The following DOCK7 variants were observed in gnomAD, a reference collection of about 807,000 sequenced individuals.
DOCK7 encodes the protein dedicator of cytokinesis protein 7.
DOCK7 carries 138 observed loss-of-function variants against 271.0 expected under a neutral mutation model. The ratio of observed to expected loss-of-function variants is 0.51; its 90% confidence interval spans 0.44 to 0.59. DOCK7 has a LOEUF of 0.59. Among genes scored for constraint, DOCK7 ranks in the 20% least tolerant of loss-of-function variants. The probability of loss-of-function intolerance (pLI) is 0.00; values close to 1 mark genes in which losing one functional copy is unlikely to be tolerated. For synonymous variants in DOCK7, 823 were observed against 876.1 expected (o/e 0.94, Z 1.07); for missense variants, 2,066 against 2,592.4 (o/e 0.80, Z 4.41).
At chr1:62,510,713 T>C in intron 33 of DOCK7, 40 bp from the exon 34 acceptor site, 2 of 1,492,636 alleles carry the variant, frequency 1.3e-6, no homozygotes, top group South Asian at 2.3e-5. Flanking sequence ...AAATGTTATT[T>C]CAGTTGGACC....
intron 14 of DOCK7, chr1:62,598,618 G>T: frequency 1.3e-6 from 1 of 787,258 alleles, no homozygotes; most frequent in South Asian, 1.5e-5. Context: ...TAAAAATTTA[G>T]ATTATGATAG....
At chr1:62,476,351 T>A (rs1288202927) in intron 44 of DOCK7, among the ~76,000 whole-genome samples, 195 bp from the exon 45 acceptor site, 1 of 152,166 alleles carries the variant, frequency 6.6e-6, no homozygotes, top group Non-Finnish European at 1.5e-5. Flanking sequence ...TCCATATTTA[T>A]TTGACATTAT....
intron 15 of DOCK7, chr1:62,584,125 T>C: frequency 1.0e-6 from 1 of 974,502 alleles, no homozygotes; most frequent in South Asian, 4.8e-5. Flanking sequence ...CAAAGTTTAT[T>C]ATTTATATAA....
At chr1:62,567,052 T>C (rs1054567348) in intron 18 of DOCK7, among the ~76,000 whole-genome samples, 1 of 152,160 alleles carries the variant, frequency 6.6e-6, no homozygotes, top group African/African-American at 2.4e-5. Flanking sequence ...AAGCAACAGA[T>C]GCTGGACAGG....
Position 62,634,897 on chromosome 1 carries a change from AG to A in DOCK7, c.910del (p.Asn305IlefsTer5). 1 of 1,606,330 alleles carries A rather than the reference AG, an allele frequency of 6.2e-7. No homozygotes were observed. Among genetic ancestry groups the A allele is most frequent in the Non-Finnish European group, 8.5e-7 (1 of 1,175,682 alleles). On this transcript the variant is annotated frameshift_variant, in exon 9 of 50. Transcript: ENST00000635253. LOFTEE classifies it high-confidence loss of function. ...KKISENFYFD[L>X]NSEQMKGLLR... is the part of the protein sequence containing the mutation. ...CAACCCTTTCATCTGCTCAGAATTA[AG>A]GTCAAAATAAAAGTTTTCTGAAATC...
chr1:62,465,378 T>TA (rs1645646936), intron 48 of DOCK7, among the ~76,000 whole-genome samples: 1 of 152,082 alleles, frequency 6.6e-6, no homozygotes, highest in Non-Finnish European at 1.5e-5. Flanking sequence ...AGAAAAAAGT[T>TA]ACATTACAGG....
intron 19 of DOCK7, among the ~76,000 whole-genome samples, chr1:62,560,207 A>C (rs1028610237): frequency 2.6e-5 from 4 of 152,118 alleles, no homozygotes; most frequent in African/African-American, 9.7e-5. Context: ...CTAGCAAATC[A>C]CTGAACCTGA....
At chr1:62,596,452 AT>A (rs1361608189) in intron 14 of DOCK7, among the ~76,000 whole-genome samples, 3 of 152,172 alleles carry the variant, frequency 2.0e-5, no homozygotes, top group African/African-American at 7.2e-5. Context: ...TAATATAAGC[AT>A]TTAGTATTTT....
intron 14 of DOCK7, among the ~76,000 whole-genome samples, chr1:62,614,134 A>G (rs1652152561): frequency 6.6e-6 from 1 of 152,116 alleles, no homozygotes; most frequent in Non-Finnish European, 1.5e-5. Context: ...AGGCAAAAAG[A>G]ATCCAAATGA....
chr1:62,513,308 A>C, intron 33 of DOCK7, 136 bp downstream of exon 33: 11 of 423,290 alleles, frequency 2.6e-5, no homozygotes, highest in Non-Finnish European at 3.5e-5. Flanking sequence ...AACTTTTATT[A>C]CTGCAGAGAA....
At chr1:62,597,051 G>A (rs1411406305) in intron 14 of DOCK7, among the ~76,000 whole-genome samples, 1 of 152,148 alleles carries the variant, frequency 6.6e-6, no homozygotes, top group Non-Finnish European at 1.5e-5. Context: ...AGCATTGAGA[G>A]CCGTAACACC....
intron 49 of DOCK7, 70 bp downstream of exon 49, chr1:62,457,468 G>T: frequency 6.9e-7 from 1 of 1,455,130 alleles, no homozygotes; most frequent in South Asian, 1.2e-5. Flanking sequence ...GCTGTAAAAA[G>T]ACTTCTACTA....
At chr1:62,678,561 C>T (rs967049474) in intron 1 of DOCK7, among the ~76,000 whole-genome samples, 3 of 152,130 alleles carry the variant, frequency 2.0e-5, no homozygotes, top group Non-Finnish European at 4.4e-5. Context: ...ATAAGGATGT[C>T]ATTTCTCCCC....
At chr1:62,619,027 C>A (rs914307757) in intron 13 of DOCK7, among the ~76,000 whole-genome samples, 159 bp from the exon 14 acceptor site, 2 of 151,990 alleles carry the variant, frequency 1.3e-5, no homozygotes, top group Non-Finnish European at 2.9e-5. Context: ...TAAATCATTT[C>A]ATTTTGCAAA....
At chr1:62,600,429 AAACT>A (rs1649938800) in intron 14 of DOCK7, among the ~76,000 whole-genome samples, 1 of 151,862 alleles carries the variant, frequency 6.6e-6, no homozygotes, top group Admixed American at 6.6e-5. Flanking sequence ...CAGCATCAAA[AAACT>A]AACACTAATA....
At chr1:62,682,996 T>C (rs1166782232) in intron 1 of DOCK7, among the ~76,000 whole-genome samples, 1 of 152,214 alleles carries the variant, frequency 6.6e-6, no homozygotes, top group Non-Finnish European at 1.5e-5. Flanking sequence ...TTAAGTCACC[T>C]ATTGAGAGAG....
chr1:62,492,989 T>C, intron 40 of DOCK7, 142 bp from the exon 41 acceptor site: 1 of 609,718 alleles, frequency 1.6e-6, no homozygotes, highest in South Asian at 2.7e-5. Context: ...AAGATAAATC[T>C]CTAAAAACTT....
In DOCK7 at chr1:62,619,963, A is replaced by G. The variant is rs1181378307; in HGVS notation, c.1456T>C (p.Tyr486His). Reference sequence around the variant, plus strand: ...CTTCTCATATCAGCAAGGAATTTGTAGAGATCTTCATCACTTAAGCGGTCT... The same window carrying G: ...CTTCTCATATCAGCAAGGAATTTGTGGAGATCTTCATCACTTAAGCGGTCT... ...EGDRLSDEDL[Y>H]KFLADMRRPS... Residue 486 changes from tyrosine to histidine, a missense_variant, in exon 13 of 50, where the codon TAC becomes CAC. Around this residue, in one of 2 missense-constraint regions of DOCK7, gnomAD observed 1,414 missense variants for 1,670.4 expected, o/e 0.85. Transcript: ENST00000635253. 1 of 1,613,720 alleles carries G rather than the reference A, an allele frequency of 6.2e-7. No homozygotes were observed. The highest frequency in any genetic ancestry group is 8.5e-7 in the Non-Finnish European group (1 of 1,179,672).
chr1:62,666,594 A>T (rs565555657), intron 1 of DOCK7, among the ~76,000 whole-genome samples: 1 of 152,338 alleles, frequency 6.6e-6, no homozygotes, highest in Non-Finnish European at 1.5e-5. Flanking sequence ...CTTCCCAAAT[A>T]AAAAAACTCT....
Sources: allele counts gnomAD v4.1 joint callset (sites outside exome capture counted in the v4.1 genomes callset), GRCh38; gene constraint gnomAD v4.1.1; regional missense constraint gnomAD v4.1.1; transcripts MANE v1.5; gene names NCBI Gene and HGNC (gene_info 2026-07-23, HGNC 2026-07-21).